The following PDXDC1 variants were observed in gnomAD, a reference collection of about 807,000 sequenced individuals.
The protein encoded by PDXDC1 is pyridoxal dependent decarboxylase domain containing 1.
Under a neutral mutation model 100.1 loss-of-function variants are expected in PDXDC1, and 42 were observed. That is an observed-to-expected ratio of 0.42 (90% CI 0.33 to 0.54). The LOEUF (loss-of-function observed/expected upper bound fraction) is 0.54, where lower values mean the gene tolerates loss of function less well. PDXDC1 is among the 20% of genes least tolerant of loss of function. PDXDC1 has a pLI of 0.10. For missense variants in PDXDC1, 636 were observed against 979.2 expected (o/e 0.65, Z 4.68); for synonymous variants, 260 against 371.7 (o/e 0.70, Z 3.46).
chr16:15,083,344 A>G (rs1295288777), intron 16 of PDXDC1, among the ~76,000 whole-genome samples: 1 of 152,198 alleles, frequency 6.6e-6, no homozygotes, highest in Non-Finnish European at 1.5e-5. Flanking sequence ...GGTTGCAGTG[A>G]GCCAAGATGA....
intron 1 of PDXDC1, among the ~76,000 whole-genome samples, chr16:14,983,497 C>T (rs1396680510): frequency 1.2e-4 from 18 of 148,482 alleles, no homozygotes; most frequent in Middle Eastern, 3.5e-3. Context: ...CGCTTGAACC[C>T]GGGAGGCGGA....
chr16:15,015,777 G>A, intron 8 of PDXDC1: 1 of 398,926 alleles, frequency 2.5e-6, no homozygotes. Context: ...ATAAAGGAAA[G>A]CTAAAGGAAA....
At chr16:15,093,392 T>A (rs2046218315) in intron 16 of PDXDC1, among the ~76,000 whole-genome samples, 1 of 152,176 alleles carries the variant, frequency 6.6e-6, no homozygotes, top group Non-Finnish European at 1.5e-5. Flanking sequence ...CCCTTCTCCC[T>A]CCCCCATTAC....
intron 16 of PDXDC1, chr16:15,047,273 T>C: frequency 1.6e-6 from 1 of 608,362 alleles, no homozygotes; most frequent in East Asian, 2.7e-5. Flanking sequence ...ACTCATTCAC[T>C]CAACCACTGC....
chr16:15,070,961 A>G (rs1263571183), intron 16 of PDXDC1, among the ~76,000 whole-genome samples: 10 of 152,212 alleles, frequency 6.6e-5, no homozygotes, highest in Non-Finnish European at 1.3e-4. Flanking sequence ...ACTTTATTCT[A>G]AAATCACCAC....
In PDXDC1 at chr16:14,976,831, G is replaced by C. The variant is rs1359313690; in HGVS notation, c.21+1611G>C. On this transcript the variant is annotated intron_variant, in intron 1 of 22. Transcript: ENST00000396410. The stretch of plus-strand genomic sequence containing the variant: ...GCAGTGTTGAGGCTGAGAAATCCTG[G>C]TCAAGATCATGTTTATAACACCAGC... 2.6e-5 allele frequency: 4 copies of C among 152,638 alleles called. No homozygotes were observed. The South Asian group carries it at 8.3e-4, about 32-fold the overall frequency. The allele number at this position is 152,638 out of a possible 1,614,324, so 9.5% of individuals were successfully genotyped here.
intron 16 of PDXDC1, among the ~76,000 whole-genome samples, chr16:15,057,287 C>G (rs1262738733): frequency 6.6e-6 from 1 of 152,132 alleles, no homozygotes; most frequent in Non-Finnish European, 1.5e-5. Flanking sequence ...TTCTAGCTAC[C>G]AGGAAATTAT....
rs1356514238 is a variant in PDXDC1 at position 15,073,155 on chromosome 16, C to T, written c.1399+43099C>T. On this transcript the variant is annotated intron_variant, in intron 16 of 16. Transcript: ENST00000535621. ...TTTCATCTGCCATATTTTTTATAAA[C>T]ACAACACCATTAAAAAACAACATTA... The T allele has an allele frequency of 1.6e-5, 24 of 1,496,002 alleles. 1 individual carries two copies. The highest frequency in any genetic ancestry group is 5.9e-5 in the South Asian group (5 of 84,830). 92.7% of individuals were successfully genotyped at this position (1,496,002 alleles called of 1,614,324 possible).
intron 16 of PDXDC1, chr16:15,125,547 C>A (rs972722643): frequency 3.2e-6 from 5 of 1,585,814 alleles, no homozygotes; most frequent in South Asian, 2.2e-5. Flanking sequence ...CTAGGGGAAC[C>A]CACCTCTTAG....
chr16:15,083,199 T>C (rs1265652527), intron 16 of PDXDC1, among the ~76,000 whole-genome samples: 2 of 152,168 alleles, frequency 1.3e-5, no homozygotes, highest in African/African-American at 4.8e-5. Flanking sequence ...AGGCGTTCGA[T>C]ACCAGTGTGG....
intron 16 of PDXDC1, chr16:15,094,567 G>A: frequency 2.5e-6 from 1 of 406,024 alleles, no homozygotes; most frequent in South Asian, 3.0e-5. Context: ...ATTTTTTGGA[G>A]TCAAAGCCTC....
At position 15,047,147 on chromosome 16, in the gene PDXDC1, G is replaced by C. The variant is rs556483715; in HGVS notation, c.1399+17091G>C. On this transcript the variant is annotated intron_variant, in intron 16 of 16. Transcript: ENST00000535621. ...CTGCATGGAGAGCTACCACACCCGG[G>C]GGAGAGCAAAACGATGTGAAAATCG... 8.5e-5 allele frequency: 37 copies of C among 434,210 alleles called. No homozygotes were observed. The South Asian group carries it at 1.0e-3, about 12-fold the overall frequency. The allele number at this position is 434,210 out of a possible 1,614,324, so 26.9% of individuals were successfully genotyped here.
chr16:15,122,292 C>G (rs1397688086), intron 16 of PDXDC1, among the ~76,000 whole-genome samples: 2 of 149,236 alleles, frequency 1.3e-5, no homozygotes, highest in Non-Finnish European at 3.0e-5. Flanking sequence ...CTCACTGCAA[C>G]GTCCAGCTCC....
At chr16:15,072,298 A>T (rs1327611287) in intron 16 of PDXDC1, among the ~76,000 whole-genome samples, 1 of 152,122 alleles carries the variant, frequency 6.6e-6, no homozygotes, top group Non-Finnish European at 1.5e-5. Context: ...TAAAGTTTTT[A>T]AAATTCTAGA....
At chr16:15,097,803 G>C (rs1195655446) in intron 16 of PDXDC1, among the ~76,000 whole-genome samples, 1 of 151,990 alleles carries the variant, frequency 6.6e-6, no homozygotes, top group Non-Finnish European at 1.5e-5. Flanking sequence ...ATTTTTAAAA[G>C]TCATTTTAGT....
chr16:15,023,229 T>C (rs1244744732), intron 13 of PDXDC1, among the ~76,000 whole-genome samples: 39 of 152,284 alleles, frequency 2.6e-4, no homozygotes, highest in Non-Finnish European at 1.5e-4. Context: ...GATATCTTCC[T>C]GAAGTGAATC....
downstream of PDXDC1, chr16:15,040,387 G>T (rs1190609065): frequency 3.4e-6 from 1 of 295,392 alleles, no homozygotes; most frequent in East Asian, 6.5e-5. Context: ...TACGGCCAGG[G>T]GTGGCTGGGT....
downstream of PDXDC1, among the ~76,000 whole-genome samples, chr16:15,141,041 C>A (rs1352162035): frequency 6.7e-6 from 1 of 150,184 alleles, no homozygotes; most frequent in Non-Finnish European, 1.5e-5. Flanking sequence ...ACCCGCCCAG[C>A]CCCTACCGGC....
intron 16 of PDXDC1, chr16:15,061,651 G>T: frequency 8.0e-7 from 1 of 1,249,468 alleles, no homozygotes; most frequent in Non-Finnish European, 1.1e-6. Flanking sequence ...CTAGTTCAAT[G>T]CCATCAATGC....
Sources: allele counts gnomAD v4.1 joint callset (sites outside exome capture counted in the v4.1 genomes callset), GRCh38; gene constraint gnomAD v4.1.1; transcripts MANE v1.5; gene names NCBI Gene and HGNC (gene_info 2026-07-23, HGNC 2026-07-21).